Variants in DCC observed in about 807,000 individuals in gnomAD.
The protein encoded by DCC is DCC netrin 1 receptor, also known as netrin receptor DCC.
A neutral mutation model predicts 172.5 loss-of-function variants in DCC; 58 were observed. The observed-to-expected ratio is 0.34, with a 90% confidence interval of 0.27 to 0.42. The LOEUF (loss-of-function observed/expected upper bound fraction) is 0.42. Ranked by LOEUF, DCC falls within the 10% of genes least tolerant of loss-of-function variation. DCC has a pLI of 1.00. For synonymous variants in DCC, 709 were observed against 644.5 expected (o/e 1.10, Z -1.52); for missense variants, 1,740 against 1,791.0 (o/e 0.97, Z 0.51).
chr18:53,474,588 C>A (rs569184855), intron 25 of DCC, among the ~76,000 whole-genome samples: 1 of 152,202 alleles, frequency 6.6e-6, no homozygotes, highest in East Asian at 1.9e-4. Flanking sequence ...TGCACAAGCT[C>A]TCTTCTCTTC....
At chr18:53,466,483 C>T (rs549525734) in intron 24 of DCC, among the ~76,000 whole-genome samples, 3 of 152,210 alleles carry the variant, frequency 2.0e-5, no homozygotes, top group African/African-American at 7.2e-5. Flanking sequence ...ATCCTCTTTT[C>T]TGTTTTGTGA....
chr18:52,731,981 C>T (rs1021197331), intron 1 of DCC, among the ~76,000 whole-genome samples: 11 of 152,222 alleles, frequency 7.2e-5, no homozygotes, highest in East Asian at 5.8e-4. Flanking sequence ...AATCTTTTTA[C>T]GGCTTTCTAT....
intron 8 of DCC, among the ~76,000 whole-genome samples, chr18:53,177,452 G>C (rs4417608): frequency 0.58 from 88,169 of 152,106 alleles, 26,660 homozygotes; most frequent in East Asian, 0.73. Context: ...TAAAATGATG[G>C]TAACCCGTAT....
At chr18:52,536,193 T>TG (rs1393152710) in intron 1 of DCC, among the ~76,000 whole-genome samples, 3 of 152,098 alleles carry the variant, frequency 2.0e-5, no homozygotes, top group Non-Finnish European at 4.4e-5. Flanking sequence ...TGGAACCATG[T>TG]GGGTATATGT....
chr18:53,088,082 G>C (rs1205672239), intron 7 of DCC, among the ~76,000 whole-genome samples: 1 of 152,170 alleles, frequency 6.6e-6, no homozygotes, highest in Non-Finnish European at 1.5e-5. Context: ...ACTTAGCGAT[G>C]CGGGCTCTTT....
In DCC at chr18:52,946,127, G is replaced by GT. The variant is rs1598957983; in HGVS notation, c.985+20760dup. ...CTCTTCCATTTTTCTCTCCAGGTAG[G>GT]TTTAACAACTTTTAAACTCTGTGTC... On this transcript the variant is annotated intron_variant, in intron 5 of 28. Transcript: ENST00000442544. 2.0e-5 allele frequency among the ~76,000 whole-genome samples: 3 copies of GT among 152,154 alleles called. No homozygotes were observed. In the East Asian group the frequency reaches 5.8e-4, roughly 30 times the overall value.
At chr18:52,603,638 TAAAAC>T (rs1372139183) in intron 1 of DCC, among the ~76,000 whole-genome samples, 1 of 149,120 alleles carries the variant, frequency 6.7e-6, no homozygotes, top group African/African-American at 2.5e-5. Context: ...TTTATTCTCT[TAAAAC>T]AAAAATTGAC....
intron 5 of DCC, among the ~76,000 whole-genome samples, chr18:53,039,464 C>T (rs139386654): frequency 2.1e-4 from 32 of 152,034 alleles, no homozygotes; most frequent in African/African-American, 7.7e-4. Context: ...CTATGTTGTA[C>T]TTTCGTAGCC....
intron 15 of DCC, among the ~76,000 whole-genome samples, chr18:53,351,470 A>ATATATATATATATAGTGTG (rs1568075556): frequency 2.8e-5 from 1 of 35,246 alleles, no homozygotes; most frequent in Non-Finnish European, 6.2e-5. Flanking sequence ...CAGTGTGTAT[A>ATATATATATATATAGTGTG]TATATATATA....
At chr18:53,425,386 G>T (rs1426042512) in intron 21 of DCC, among the ~76,000 whole-genome samples, 18 of 80,474 alleles carry the variant, frequency 2.2e-4, no homozygotes, top group Non-Finnish European at 6.2e-5. Flanking sequence ...TTGAGACAGA[G>T]TCTCACTCTC....
chr18:53,487,027 T>A, intron 26 of DCC, 69 bp downstream of exon 26: 1 of 1,597,676 alleles, frequency 6.3e-7, no homozygotes, highest in Non-Finnish European at 8.6e-7. Context: ...TAAAATATGT[T>A]GCATTCTGAC....
intron 7 of DCC, among the ~76,000 whole-genome samples, chr18:53,099,943 CTTT>C (rs533618559): frequency 3.2e-5 from 3 of 92,752 alleles, no homozygotes; most frequent in Admixed American, 1.2e-4. Context: ...TTCTTTCTTT[CTTT>C]TTTTTTTTTT....
chr18:52,679,240 T>C (rs1568037260), intron 1 of DCC, among the ~76,000 whole-genome samples: 1 of 152,052 alleles, frequency 6.6e-6, no homozygotes, highest in Non-Finnish European at 1.5e-5. Context: ...AATTTTCCTG[T>C]TATTATTTTT....
intron 7 of DCC, among the ~76,000 whole-genome samples, chr18:53,091,921 A>G (rs2043019455): frequency 6.6e-6 from 1 of 151,900 alleles, no homozygotes; most frequent in South Asian, 2.1e-4. Flanking sequence ...TCTTTAAAAT[A>G]TTGAATTCTG....
At chr18:52,471,650 G>T (rs1204988355) in intron 1 of DCC, among the ~76,000 whole-genome samples, 1 of 152,152 alleles carries the variant, frequency 6.6e-6, no homozygotes, top group Non-Finnish European at 1.5e-5. Context: ...AAATTATATA[G>T]AGCTAAAGGA....
At chr18:52,868,119 ATG>A (rs1322388391) in intron 2 of DCC, among the ~76,000 whole-genome samples, 2 of 150,800 alleles carry the variant, frequency 1.3e-5, no homozygotes, top group African/African-American at 2.4e-5. Context: ...TTGTATATAT[ATG>A]TGTGTGTGTA....
intron 1 of DCC, among the ~76,000 whole-genome samples, chr18:52,439,409 A>T (rs1436999100): frequency 6.6e-6 from 1 of 151,726 alleles, no homozygotes; most frequent in Non-Finnish European, 1.5e-5. Context: ...ATGGCTTCAC[A>T]CTCTGGTTTG....
At chr18:52,926,832 C>CAT (rs1239746366) in intron 5 of DCC, among the ~76,000 whole-genome samples, 15 of 107,448 alleles carry the variant, frequency 1.4e-4, no homozygotes, top group Non-Finnish European at 2.1e-4. Context: ...TATACATATA[C>CAT]ATACACACAC....
chr18:53,089,486 C>A (rs566890918), intron 7 of DCC, among the ~76,000 whole-genome samples: 1 of 151,966 alleles, frequency 6.6e-6, no homozygotes, highest in Non-Finnish European at 1.5e-5. Context: ...TTTTGCAGGC[C>A]TCTTTCTTCA....
Sources: gnomAD v4.1 joint callset for allele counts (sites outside exome capture counted in the v4.1 genomes callset) on GRCh38, gnomAD v4.1.1 for gene constraint, MANE v1.5 for transcripts, NCBI Gene and HGNC (gene_info 2026-07-23, HGNC 2026-07-21) for gene names.